The following MSANTD3 variants were observed in gnomAD, a reference collection of about 807,000 sequenced individuals.
MSANTD3 encodes Myb/SANT DNA binding domain containing 3.
MSANTD3 carries 11 observed loss-of-function variants against 27.7 expected under a neutral mutation model. The observed-to-expected ratio is 0.40, with a 90% confidence interval of 0.25 to 0.66. MSANTD3 has a LOEUF of 0.66. Among genes scored for constraint, MSANTD3 ranks in the 30% least tolerant of loss-of-function variants. The pLI is 0.41. For missense variants in MSANTD3, 250 were observed against 336.5 expected (o/e 0.74, Z 2.01); for synonymous variants, 131 against 127.2 (o/e 1.03, Z -0.20).
intron 1 of MSANTD3, among the ~76,000 whole-genome samples, chr9:100,438,430 G>A (rs56012200): frequency 0.049 from 7,386 of 150,988 alleles, 390 homozygotes; most frequent in South Asian, 0.24. Flanking sequence ...TTTAGAAAGT[G>A]TGTGTGTGTG....
At position 100,444,760 on chromosome 9, in the gene MSANTD3, C is replaced by G. The variant is rs536668192; in HGVS notation, c.418+2404C>G. 7.6e-5 allele frequency: 12 copies of G among 157,776 alleles called. No homozygotes were observed. In the East Asian group the frequency reaches 2.0e-3, roughly 27 times the overall value. 9.8% of individuals were successfully genotyped at this position (157,776 alleles called of 1,614,324 possible). On this transcript the variant is annotated intron_variant, in intron 2 of 2. Transcript: ENST00000395067. ...TTCTGGGGTGGGATCTAGGGAAGTT[C>G]ATCCCACAGAGTTTTTTCTCTTTCT...
intron 1 of MSANTD3, among the ~76,000 whole-genome samples, chr9:100,433,847 T>G (rs1836421234): frequency 6.6e-6 from 1 of 152,152 alleles, no homozygotes; most frequent in Non-Finnish European, 1.5e-5. Flanking sequence ...CCACCACTTC[T>G]GAATATGTTA....
At chr9:100,435,318 G>C (rs943624091) in intron 1 of MSANTD3, among the ~76,000 whole-genome samples, 1 of 152,142 alleles carries the variant, frequency 6.6e-6, no homozygotes, top group African/African-American at 2.4e-5. Context: ...CCTGAAGTCT[G>C]ATTTTCCAGT....
intron 2 of MSANTD3, 71 bp from the exon 3 acceptor site, chr9:100,450,486 A>G: frequency 7.2e-7 from 1 of 1,382,436 alleles, no homozygotes; most frequent in Non-Finnish European, 9.8e-7. Context: ...TGTCATTTGA[A>G]ATAGGATTGG....
intron 1 of MSANTD3, among the ~76,000 whole-genome samples, chr9:100,430,493 G>T (rs1836349282): frequency 6.6e-6 from 1 of 152,132 alleles, no homozygotes; most frequent in Non-Finnish European, 1.5e-5. Flanking sequence ...ATCCGGAAAG[G>T]CCATGAATGC....
At position 100,450,979 on chromosome 9, in the gene MSANTD3, G is replaced by T; in HGVS notation, c.*13G>T. On this transcript the variant is annotated 3_prime_UTR_variant, in exon 3 of 3. Coordinates refer to ENST00000395067, the MANE Select transcript of MSANTD3 (RefSeq NM_080655.3). ...CAATTCGCCCTAAGACTTTGGGGGT[G>T]GCTCTCTTGTAATTAATCTGTGTTG... 1 of 1,552,592 alleles carries T rather than the reference G, an allele frequency of 6.4e-7. No homozygotes were observed. The highest frequency in any genetic ancestry group is 1.3e-5 in the South Asian group (1 of 78,712).
intron 1 of MSANTD3, among the ~76,000 whole-genome samples, chr9:100,441,168 T>C (rs996236180): frequency 2.0e-5 from 3 of 151,164 alleles, no homozygotes; most frequent in Admixed American, 1.3e-4. Context: ...ACTCCTGACC[T>C]CGTGGTCCGC....
chr9:100,442,667 G>A (rs902429625), intron 2 of MSANTD3, among the ~76,000 whole-genome samples: 1 of 151,734 alleles, frequency 6.6e-6, no homozygotes, highest in Non-Finnish European at 1.5e-5. Context: ...AAATTAGCTG[G>A]GCATGGTAGC....
intron 1 of MSANTD3, among the ~76,000 whole-genome samples, chr9:100,432,245 G>A (rs558969869): frequency 9.9e-4 from 150 of 152,258 alleles, no homozygotes; most frequent in African/African-American, 3.4e-3. Flanking sequence ...GGCTTGACTG[G>A]AAAGCTCTCG....
chr9:100,438,193 A>G (rs1836520298), intron 1 of MSANTD3, among the ~76,000 whole-genome samples: 1 of 152,260 alleles, frequency 6.6e-6, no homozygotes, highest in African/African-American at 2.4e-5. Context: ...TGAAATTCAT[A>G]TATCATTAAT....
intron 1 of MSANTD3, among the ~76,000 whole-genome samples, chr9:100,436,006 C>T (rs551717873): frequency 6.6e-6 from 1 of 152,268 alleles, no homozygotes; most frequent in East Asian, 1.9e-4. Context: ...CTAATTGTTT[C>T]CTTCTTGTTC....
rs746367895 is a variant in MSANTD3, at chr9:100,442,251, G to A, written c.313G>A (p.Val105Ile). The A allele has an allele frequency of 6.2e-6, 10 of 1,614,126 alleles. No homozygotes were observed. The highest frequency in any genetic ancestry group is 4.4e-5 in the South Asian group (4 of 91,080). ...RSVSPLLSTH[V>I]LGKEKIASML... Reference sequence around the variant, plus strand: ...CGTCAGCCCTCTCCTGAGTACCCACGTCCTAGGGAAGGAGAAGATCGCCAG... The same window carrying A: ...CGTCAGCCCTCTCCTGAGTACCCACATCCTAGGGAAGGAGAAGATCGCCAG... The change falls in exon 2 of 3, where the codon GTC becomes ATC. Residue 105 changes from valine to isoleucine, a missense_variant. This residue lies in a region of MSANTD3 where 235 missense variants were observed against 299.3 expected (regional missense o/e 0.79). Coordinates refer to ENST00000395067, the MANE Select transcript of MSANTD3 (RefSeq NM_080655.3).
intron 1 of MSANTD3, among the ~76,000 whole-genome samples, chr9:100,430,187 T>G (rs1054207133): frequency 2.0e-5 from 3 of 150,008 alleles, no homozygotes; most frequent in Non-Finnish European, 4.4e-5. Flanking sequence ...ATAAAGAAAA[T>G]AAACATAACA....
intron 2 of MSANTD3, chr9:100,445,142 G>A: frequency 6.1e-6 from 9 of 1,472,210 alleles, no homozygotes; most frequent in Non-Finnish European, 7.6e-6. Flanking sequence ...ACAACTTTGA[G>A]TTCATTTCAC....
Position 100,434,989 on chromosome 9 carries a change from ACGTG to A in MSANTD3, c.-33-6914_-33-6911del, listed in dbSNP as rs372736654. 6.7e-3 allele frequency among the ~76,000 whole-genome samples: 1,025 copies of A among 151,900 alleles called. 7 individuals carry two copies. The highest frequency in any genetic ancestry group is 0.024 in the African/African-American group (993 of 41,350). On this transcript the variant is annotated intron_variant, in intron 1 of 2. Coordinates refer to ENST00000395067, the MANE Select transcript of MSANTD3 (RefSeq NM_080655.3). Reference sequence around the variant, plus strand: ...ACACCATACACACACACACACACACACGTGCGCACACACACAGTATTATTCTACT... The same window carrying A: ...ACACCATACACACACACACACACACACGCACACACACAGTATTATTCTACT...
chr9:100,431,970 G>T (rs1309728469), intron 1 of MSANTD3, among the ~76,000 whole-genome samples: 1 of 152,158 alleles, frequency 6.6e-6, no homozygotes, highest in Admixed American at 6.5e-5. Flanking sequence ...CAGGGAAGCC[G>T]TGGGTGGGGA....
intron 1 of MSANTD3, among the ~76,000 whole-genome samples, chr9:100,435,336 C>T (rs1346685586): frequency 6.6e-6 from 1 of 152,174 alleles, no homozygotes. Context: ...AGTGCCATAG[C>T]TCTTCAGTCA....
In MSANTD3 at chr9:100,451,577, C is replaced by T. The variant is rs1441216215; in HGVS notation, c.*611C>T. The T allele has an allele frequency of 6.6e-6, 1 of 151,788 alleles. No homozygotes were observed. The highest frequency in any genetic ancestry group is 1.5e-5 in the Non-Finnish European group (1 of 67,956). 9.4% of individuals were successfully genotyped at this position (151,788 alleles called of 1,614,324 possible). On this transcript the variant is annotated 3_prime_UTR_variant, in exon 3 of 3. Transcript: ENST00000395067. ...TTTTCTAATGTGGCTCATAAACCAC[C>T]TTTTAAGGCCTTTCCTCAAACAGGA...
chr9:100,436,890 C>T lies in MSANTD3; in HGVS notation c.-33-5016C>T, dbSNP rs570786083. 5.9e-5 allele frequency among the ~76,000 whole-genome samples: 9 copies of T among 152,204 alleles called. No individual in the cohort carries two copies. In the South Asian group the frequency reaches 6.2e-4, roughly 11 times the overall value. On this transcript the variant is annotated intron_variant, in intron 1 of 2. Coordinates refer to ENST00000395067, the MANE Select transcript of MSANTD3 (RefSeq NM_080655.3). ...CTCGACTTTGGCTCACTGCAACCTC[C>T]GCCTCCCAGGTTCAAATGATTCTCC...
Sources: gnomAD v4.1 joint callset for allele counts (sites outside exome capture counted in the v4.1 genomes callset) on GRCh38, gnomAD v4.1.1 for gene constraint, gnomAD v4.1.1 regional missense constraint, MANE v1.5 for transcripts, NCBI Gene and HGNC (gene_info 2026-07-23, HGNC 2026-07-21) for gene names.